The following R3HDM1 variants were observed in gnomAD, a reference collection of about 807,000 sequenced individuals.
R3HDM1 encodes the protein R3H domain-containing protein 1.
A neutral mutation model predicts 141.1 loss-of-function variants in R3HDM1; 46 were observed. The ratio of observed to expected loss-of-function variants is 0.33; its 90% CI spans 0.26 to 0.42. R3HDM1 has a LOEUF of 0.42. R3HDM1 is among the 10% of genes least tolerant of loss of function. The probability of loss-of-function intolerance (pLI) is 1.00; values close to 1 mark genes in which losing one functional copy is unlikely to be tolerated. For synonymous variants in R3HDM1, 435 were observed against 472.9 expected, an observed-to-expected ratio of 0.92 and a Z score of 1.04; for missense variants, 1,184 against 1,368.3, an observed-to-expected ratio of 0.87 and a Z score of 2.12.
chr2:135,611,345 G>C (rs2060532462), intron 3 of R3HDM1, among the ~76,000 whole-genome samples: 1 of 152,072 alleles, frequency 6.6e-6, no homozygotes, highest in African/African-American at 2.4e-5. Flanking sequence ...AGGCTATAGT[G>C]AGCTGTGATT....
chr2:135,639,174 T>C (rs1482670859), intron 14 of R3HDM1, 52 bp downstream of exon 14: 1 of 1,531,412 alleles, frequency 6.5e-7, no homozygotes, highest in Non-Finnish European at 9.0e-7. Context: ...TTTCCTAATG[T>C]TGTCTCAGGT....
chr2:135,547,476 CTT>C (rs57305680), intron 1 of R3HDM1, among the ~76,000 whole-genome samples: 2 of 138,112 alleles, frequency 1.4e-5, no homozygotes, highest in Admixed American at 7.3e-5. Flanking sequence ...TTCTAATTGT[CTT>C]TTTTTTTTTT....
At chr2:135,670,137 TCAA>T (rs2068108677) in intron 19 of R3HDM1, 1 of 130,260 alleles carries the variant, frequency 7.7e-6, no homozygotes, top group Non-Finnish European at 1.0e-5. Context: ...AGACTCAGTC[TCAA>T]AAAAAAAAAA....
At chr2:135,673,488 G>T (rs1049669601) in intron 19 of R3HDM1, among the ~76,000 whole-genome samples, 1 of 152,156 alleles carries the variant, frequency 6.6e-6, no homozygotes, top group Non-Finnish European at 1.5e-5. Flanking sequence ...TGAAATACTT[G>T]TCATTTGATG....
At chr2:135,694,259 C>T (rs938206148) in intron 21 of R3HDM1, among the ~76,000 whole-genome samples, 4 of 152,094 alleles carry the variant, frequency 2.6e-5, no homozygotes, top group Non-Finnish European at 5.9e-5. Flanking sequence ...ACAAGCAGTC[C>T]CCTGAGATAG....
At chr2:135,604,760 C>T (rs773757049) in intron 2 of R3HDM1, 46 bp from the exon 3 acceptor site, 1 of 1,415,340 alleles carries the variant, frequency 7.1e-7, no homozygotes, top group Non-Finnish European at 9.9e-7. Flanking sequence ...CATGCAGTAA[C>T]TGAATGTAAA....
At chr2:135,645,702 C>T (rs16831891) in intron 16 of R3HDM1, among the ~76,000 whole-genome samples, 175 bp downstream of exon 16, 10,475 of 152,178 alleles carry the variant, frequency 0.069, 714 homozygotes, top group African/African-American at 0.18. Context: ...AGGTTTTTCC[C>T]CTGATAAATA....
intron 1 of R3HDM1, among the ~76,000 whole-genome samples, chr2:135,585,250 G>A (rs1188062692): frequency 6.6e-6 from 1 of 152,168 alleles, no homozygotes; most frequent in Non-Finnish European, 1.5e-5. Context: ...TTGGAAAGGT[G>A]TTAATATTTT....
At chr2:135,584,430 A>T in intron 1 of R3HDM1, 4 of 925,758 alleles carry the variant, frequency 4.3e-6, no homozygotes, top group Non-Finnish European at 5.2e-6. Flanking sequence ...GTTCCACAAC[A>T]TCATTAGAAA....
chr2:135,590,827 CTCAAGCTGTTT>C (rs1709090664), intron 1 of R3HDM1: 1 of 712,074 alleles, frequency 1.4e-6, no homozygotes, highest in Admixed American at 6.3e-5. Context: ...CCTGTTCTGC[CTCAAGCTGTTT>C]TTAAGCTATT....
chr2:135,611,177 G>A (rs1374775924), intron 3 of R3HDM1, among the ~76,000 whole-genome samples: 1 of 151,248 alleles, frequency 6.6e-6, no homozygotes, highest in African/African-American at 2.4e-5. Flanking sequence ...ATCCCAGCAC[G>A]TTGGGAGGCC....
intron 21 of R3HDM1, among the ~76,000 whole-genome samples, chr2:135,699,045 AAGAT>A (rs1249317775): frequency 7.7e-6 from 1 of 129,826 alleles, no homozygotes; most frequent in African/African-American, 3.3e-5. Flanking sequence ...ATAGATAGAT[AAGAT>A]AGATAAGATA....
At chr2:135,599,743 A>C (rs914167316) in intron 1 of R3HDM1, among the ~76,000 whole-genome samples, 1 of 152,200 alleles carries the variant, frequency 6.6e-6, no homozygotes, top group Non-Finnish European at 1.5e-5. Flanking sequence ...ATATCAAACA[A>C]GTTCATTAGC....
At chr2:135,711,963 T>TAAAA (rs35616482) in intron 23 of R3HDM1, among the ~76,000 whole-genome samples, 66 of 84,972 alleles carry the variant, frequency 7.8e-4, no homozygotes, top group East Asian at 1.5e-3. Flanking sequence ...TGTCTAAAAT[T>TAAAA]AAAAAAAAAA....
chr2:135,698,402 G>A (rs956439319), intron 21 of R3HDM1, among the ~76,000 whole-genome samples: 7 of 151,718 alleles, frequency 4.6e-5, no homozygotes, highest in Admixed American at 2.6e-4. Context: ...CTCGTGATCC[G>A]CCCTCCTCAG....
intron 17 of R3HDM1, chr2:135,651,067 G>A: frequency 1.8e-5 from 18 of 985,296 alleles, no homozygotes; most frequent in Non-Finnish European, 2.2e-5. Flanking sequence ...CCTTGTCTTG[G>A]TAGGGCACCA....
intron 21 of R3HDM1, among the ~76,000 whole-genome samples, chr2:135,704,099 G>A (rs1269450020): frequency 6.6e-6 from 1 of 152,170 alleles, no homozygotes; most frequent in Non-Finnish European, 1.5e-5. Flanking sequence ...TCCTGCCTCA[G>A]CCTCCTGAAT....
In R3HDM1 at chr2:135,533,641, G is replaced by A. The variant is rs187425251; in HGVS notation, c.-250+2008G>A. Among the ~76,000 whole-genome samples the A allele has an allele frequency of 3.0e-3, 453 of 152,360 alleles. 4 individuals are homozygous for A. Among genetic ancestry groups the A allele is most frequent in the Non-Finnish European group, 1.9e-3 (126 of 68,038 alleles). On this transcript the variant is annotated intron_variant, in intron 1 of 26. Transcript: ENST00000683871. ...CACCTGTAATCCCAGCACTTTGGGA[G>A]GCTGGGCGGGCGGATCACCTGAGGT...
At chr2:135,580,648 G>A (rs1706603101) in intron 1 of R3HDM1, among the ~76,000 whole-genome samples, 1 of 152,146 alleles carries the variant, frequency 6.6e-6, no homozygotes, top group Admixed American at 6.5e-5. Context: ...TTCAGGAAAA[G>A]TCCCAGCTCT....
Sources: allele counts gnomAD v4.1 joint callset (sites outside exome capture counted in the v4.1 genomes callset), GRCh38; gene constraint gnomAD v4.1.1; transcripts MANE v1.5; gene names NCBI Gene and HGNC (gene_info 2026-07-23, HGNC 2026-07-21).